Variants in GBF1 observed in about 807,000 individuals in gnomAD.
GBF1 encodes Golgi-specific brefeldin A-resistance guanine nucleotide exchange factor 1.
In GBF1, 114 loss-of-function variants were observed where a neutral mutation model predicts 210.5. The ratio of observed to expected loss-of-function variants is 0.54; its 90% CI spans 0.47 to 0.63. The LOEUF (loss-of-function observed/expected upper bound fraction) is 0.63, where lower values mean the gene tolerates loss of function less well. GBF1 is among the 30% of genes least tolerant of loss of function. The probability of loss-of-function intolerance (pLI) is 0.00; values close to 1 mark genes in which losing one functional copy is unlikely to be tolerated. For synonymous variants in GBF1, 850 were observed against 889.2 expected (o/e 0.96, Z 0.78); for missense variants, 1,851 against 2,357.7 (o/e 0.79, Z 4.45).
intron 3 of GBF1, among the ~76,000 whole-genome samples, chr10:102,268,921 G>C (rs1289662732): frequency 6.6e-6 from 1 of 152,198 alleles, no homozygotes; most frequent in African/African-American, 2.4e-5. Context: ...TTTCAGCTCA[G>C]ATCACTTCAT....
At position 102,379,906 on chromosome 10, in the gene GBF1, G is replaced by C; in HGVS notation, c.4830G>C (p.Val1610=). The C allele has an allele frequency of 6.2e-7, 1 of 1,613,794 alleles. No individual in the cohort carries two copies. The highest frequency in any genetic ancestry group is 8.5e-7 in the Non-Finnish European group (1 of 1,179,766). Reference sequence around the variant, plus strand: ...TGGAGAACATCAGCCCTGCAGATGTGGGTGGGATGGAGGAGACCCGGATGA... The same window carrying C: ...TGGAGAACATCAGCCCTGCAGATGTCGGTGGGATGGAGGAGACCCGGATGA... ...KLLENISPAD[V]GGMEETRMRA... Residue 1610 remains valine (V), a synonymous_variant, in exon 36 of 40, where the codon GTG becomes GTC. Coordinates refer to ENST00000369983, the MANE Select transcript of GBF1 (RefSeq NM_001377137.1).
intron 3 of GBF1, among the ~76,000 whole-genome samples, chr10:102,300,617 C>T (rs753784459): frequency 4.6e-5 from 7 of 152,116 alleles, no homozygotes; most frequent in Non-Finnish European, 2.9e-5. Flanking sequence ...TCATTTTTAC[C>T]TAATGACGCC....
At chr10:102,333,820 A>C (rs944696478) in intron 3 of GBF1, among the ~76,000 whole-genome samples, 1 of 152,198 alleles carries the variant, frequency 6.6e-6, no homozygotes, top group African/African-American at 2.4e-5. Flanking sequence ...GTAGATCACT[A>C]TCAATCTTGA....
chr10:102,260,278 C>T (rs1443630571), intron 3 of GBF1, among the ~76,000 whole-genome samples, 162 bp downstream of exon 3: 1 of 152,006 alleles, frequency 6.6e-6, no homozygotes, highest in East Asian at 1.9e-4. Flanking sequence ...CTTTGTAGCT[C>T]AAAAGCAGCC....
intron 3 of GBF1, among the ~76,000 whole-genome samples, chr10:102,287,350 T>C (rs1405608295): frequency 1.5e-5 from 1 of 68,296 alleles, no homozygotes; most frequent in Non-Finnish European, 4.0e-5. Context: ...TTTTCTTTTT[T>C]TTTTTTTTTT....
intron 3 of GBF1, among the ~76,000 whole-genome samples, chr10:102,288,627 C>T (rs1429292561): frequency 1.4e-5 from 2 of 147,548 alleles, no homozygotes; most frequent in Admixed American, 7.0e-5. Context: ...AGGAGAATGG[C>T]GTGAACCCGG....
chr10:102,344,713 C>G (rs957527661), intron 4 of GBF1, among the ~76,000 whole-genome samples: 5 of 152,076 alleles, frequency 3.3e-5, no homozygotes, highest in African/African-American at 1.2e-4. Context: ...ATCTCCTGAC[C>G]TCATGATCTG....
chr10:102,266,131 C>T (rs568629063), intron 3 of GBF1, among the ~76,000 whole-genome samples: 3 of 151,944 alleles, frequency 2.0e-5, no homozygotes, highest in South Asian at 2.1e-4. Flanking sequence ...CCCAGCTACT[C>T]GGGAGGCTGA....
chr10:102,253,335 G>A (rs4919623), intron 1 of GBF1, among the ~76,000 whole-genome samples: 11 of 152,148 alleles, frequency 7.2e-5, no homozygotes, highest in East Asian at 1.9e-4. Context: ...ACTCCCTGCC[G>A]CTTGCCACTA....
At chr10:102,378,196 C>T (rs371519964) in intron 33 of GBF1, among the ~76,000 whole-genome samples, 2 of 143,842 alleles carry the variant, frequency 1.4e-5, no homozygotes, top group African/African-American at 2.6e-5. Flanking sequence ...CCAGCCTGGG[C>T]GACAGAGCAA....
At chr10:102,267,501 C>T (rs2073979264) in intron 3 of GBF1, among the ~76,000 whole-genome samples, 1 of 137,460 alleles carries the variant, frequency 7.3e-6, no homozygotes, top group Admixed American at 7.7e-5. Flanking sequence ...AAGACTCCAT[C>T]TCAACAACAA....
At chr10:102,244,309 T>A (rs1049248587), upstream of GBF1, among the ~76,000 whole-genome samples, 46 of 152,188 alleles carry the variant, frequency 3.0e-4, no homozygotes, top group African/African-American at 1.1e-3. Context: ...ATTAGGTATT[T>A]TTTTTTCACT....
At chr10:102,322,815 T>A (rs1261822642) in intron 3 of GBF1, among the ~76,000 whole-genome samples, 5 of 151,776 alleles carry the variant, frequency 3.3e-5, no homozygotes, top group Admixed American at 3.3e-4. Flanking sequence ...TAAGAGCCAG[T>A]TGTTTCAGCA....
intron 1 of GBF1, among the ~76,000 whole-genome samples, chr10:102,251,426 G>A (rs896617418): frequency 6.6e-6 from 1 of 152,052 alleles, no homozygotes; most frequent in African/African-American, 2.4e-5. Flanking sequence ...TTCTTACTAT[G>A]TGTCAGGCTT....
At chr10:102,329,624 C>T (rs1244008457) in intron 3 of GBF1, among the ~76,000 whole-genome samples, 7 of 151,062 alleles carry the variant, frequency 4.6e-5, no homozygotes, top group African/African-American at 1.2e-4. Context: ...CCACCACACC[C>T]GGCTAATTTT....
At position 102,361,744 on chromosome 10, in the gene GBF1, C is replaced by T. The variant is rs1434173825; in HGVS notation, c.1518C>T (p.Ile506=). 5.6e-6 allele frequency: 9 copies of T among 1,603,674 alleles called. No individual in the cohort carries two copies. The highest frequency in any genetic ancestry group is 7.7e-6 in the Non-Finnish European group (9 of 1,175,256). ...MEMYIKKLME[I]ITVENPKMPY... The stretch of plus-strand genomic sequence containing the variant: ...TGTACATCAAAAAGCTTATGGAGAT[C>T]ATCACTGTGGAGAACCCCAAGATGC... The change falls in exon 14 of 40, where the codon ATC becomes ATT. Residue 506 remains isoleucine, a synonymous_variant. Transcript: ENST00000369983.
chr10:102,302,258 A>C (rs559044585), intron 3 of GBF1, among the ~76,000 whole-genome samples: 26 of 70,298 alleles, frequency 3.7e-4, no homozygotes, highest in African/African-American at 9.5e-4. Flanking sequence ...GACTGTGGAA[A>C]GGGAGAGGGA....
chr10:102,353,314 A>G (rs2059115201), intron 7 of GBF1, among the ~76,000 whole-genome samples: 2 of 152,136 alleles, frequency 1.3e-5, no homozygotes, highest in Admixed American at 6.5e-5. Flanking sequence ...TGCCAAGTAA[A>G]TATAAGCAGG....
intron 3 of GBF1, among the ~76,000 whole-genome samples, chr10:102,277,631 G>A (rs375080927): frequency 5.3e-5 from 8 of 151,906 alleles, no homozygotes; most frequent in African/African-American, 1.2e-4. Context: ...CGCCCACCTC[G>A]GCCTCCCAAA....
Sources: gnomAD v4.1 joint callset for allele counts (sites outside exome capture counted in the v4.1 genomes callset) on GRCh38, gnomAD v4.1.1 for gene constraint, MANE v1.5 for transcripts, NCBI Gene and HGNC (gene_info 2026-07-23, HGNC 2026-07-21) for gene names.